Variants in SLC1A7 observed in about 807,000 individuals in gnomAD.
SLC1A7 encodes the protein excitatory amino acid transporter 5.
SLC1A7 carries 40 observed loss-of-function variants against 47.7 expected under a neutral mutation model. That is an observed-to-expected ratio of 0.84 (90% CI 0.65 to 1.09). SLC1A7 has a LOEUF of 1.09. SLC1A7 is among the 50% of genes least tolerant of loss of function. The pLI is 0.00. For synonymous variants in SLC1A7, 323 were observed against 325.6 expected (o/e 0.99, Z 0.09); for missense variants, 746 against 769.5 (o/e 0.97, Z 0.36).
At chr1:53,089,680 A>G in intron 9 of SLC1A7, 120 bp downstream of exon 9, 1 of 1,051,830 alleles carries the variant, frequency 9.5e-7, no homozygotes, top group Non-Finnish European at 1.4e-6. Context: ...CCACAGTGCC[A>G]AGCGGGGCAG....
chr1:53,135,850 C>T (rs1176438233), intron 1 of SLC1A7, among the ~76,000 whole-genome samples: 2 of 152,074 alleles, frequency 1.3e-5, no homozygotes, highest in South Asian at 2.1e-4. Context: ...GACTTTCAAA[C>T]ATCATCCAAG....
At position 53,129,531 on chromosome 1, in the gene SLC1A7, G is replaced by GC. The variant is rs1553164865; in HGVS notation, c.215+4818_215+4819insG. 7.2e-3 allele frequency among the ~76,000 whole-genome samples: 752 copies of GC among 104,498 alleles called. 1 individual carries two copies. Among genetic ancestry groups the GC allele is most frequent in the East Asian group, 0.013 (47 of 3,556 alleles). The allele number at this position is 104,498 out of a possible 152,430, so 68.6% of individuals were successfully genotyped here. A position where few individuals can be genotyped will look rare whatever the true frequency, so the allele number is the denominator to read the frequency against. ...ACTGAAGCACACATGTCTGAGGAGG[G>GC]ACTTGGGCCAGGGGCTGGGTTGGAG... On this transcript the variant is annotated intron_variant, in intron 2 of 10. Coordinates refer to ENST00000371494, the MANE Select transcript of SLC1A7 (RefSeq NM_006671.6).
At chr1:53,111,379 G>A (rs184966384) in intron 3 of SLC1A7, among the ~76,000 whole-genome samples, 10 of 152,276 alleles carry the variant, frequency 6.6e-5, no homozygotes, top group Middle Eastern at 3.4e-3. Context: ...TGTAAGCTGC[G>A]GTGCAGGCTA....
intron 6 of SLC1A7, 34 bp downstream of exon 6, chr1:53,093,427 G>T: frequency 2.0e-6 from 3 of 1,531,942 alleles, no homozygotes; most frequent in Non-Finnish European, 2.7e-6. Flanking sequence ...ACCCAGGGCT[G>T]GCCGGGGTGA....
At chr1:53,113,080 A>G (rs1228010946) in intron 3 of SLC1A7, among the ~76,000 whole-genome samples, 2 of 152,188 alleles carry the variant, frequency 1.3e-5, no homozygotes, top group Non-Finnish European at 2.9e-5. Context: ...TCAGATCCAA[A>G]AGGCTAAGAC....
intron 1 of SLC1A7, among the ~76,000 whole-genome samples, chr1:53,136,909 C>T (rs563280455): frequency 5.9e-5 from 9 of 151,980 alleles, no homozygotes; most frequent in African/African-American, 1.9e-4. Flanking sequence ...TCAAACAGTC[C>T]TCCCAGCTAG....
At chr1:53,115,401 A>G (rs978919802) in intron 2 of SLC1A7, 1 of 199,544 alleles carries the variant, frequency 5.0e-6, no homozygotes, top group Non-Finnish European at 1.0e-5. Context: ...TACCTCTGAG[A>G]TCTACCTGCC....
chr1:53,090,905 G>A (rs1052904852), intron 7 of SLC1A7, 99 bp from the exon 8 acceptor site: 17 of 1,548,586 alleles, frequency 1.1e-5, no homozygotes, highest in Non-Finnish European at 1.4e-5. Flanking sequence ...CACCCCGCCA[G>A]GAGTGTTTGT....
At chr1:53,130,711 C>T (rs1318128840) in intron 2 of SLC1A7, among the ~76,000 whole-genome samples, 1 of 152,152 alleles carries the variant, frequency 6.6e-6, no homozygotes, top group Non-Finnish European at 1.5e-5. Flanking sequence ...TGCTTGGACC[C>T]TTTGGGGTTC....
At chr1:53,109,175 C>T (rs780743544) in intron 3 of SLC1A7, among the ~76,000 whole-genome samples, 2 of 152,074 alleles carry the variant, frequency 1.3e-5, no homozygotes, top group Non-Finnish European at 2.9e-5. Context: ...AAATTCTCAC[C>T]GAGATGCTTC....
chr1:53,099,031 CA>C (rs2150320841), intron 5 of SLC1A7, among the ~76,000 whole-genome samples: 1 of 151,536 alleles, frequency 6.6e-6, no homozygotes, highest in Non-Finnish European at 1.5e-5. Context: ...TCAAAACACT[CA>C]CACCCTGCCT....
Position 53,088,880 on chromosome 1 carries a change from G to C in SLC1A7, c.1461C>G (p.Thr487=), listed in dbSNP as rs139966900. The change falls in exon 10 of 11, where the codon ACC becomes ACG. Residue 487 remains threonine (T), a synonymous_variant. Coordinates refer to ENST00000371494, the MANE Select transcript of SLC1A7 (RefSeq NM_006671.6). The part of the protein sequence containing the change: ...CRKDFARDTG[T]EKLLPCETKP... ...CTCTGGATCTCACTGCTCTCACCTC[G>C]GTGCCTGTGTCCCGGGCAAAATCCT... 6 of 1,612,708 alleles carry C rather than the reference G, an allele frequency of 3.7e-6. No homozygotes were observed. The highest frequency in any genetic ancestry group is 1.3e-5 in the African/African-American group (1 of 75,014).
At chr1:53,093,657 C>A in intron 5 of SLC1A7, 97 bp from the exon 6 acceptor site, 1 of 835,456 alleles carries the variant, frequency 1.2e-6, no homozygotes, top group South Asian at 1.6e-5. Flanking sequence ...CCTTGATGCT[C>A]CAGCACTCCC....
chr1:53,097,602 ACT>A (rs1644512695), intron 5 of SLC1A7, among the ~76,000 whole-genome samples: 1 of 151,012 alleles, frequency 6.6e-6, no homozygotes, highest in Non-Finnish European at 1.5e-5. Context: ...GCCTCGGTAC[ACT>A]CAAACACCTC....
At chr1:53,110,246 G>T (rs1644687662) in intron 3 of SLC1A7, among the ~76,000 whole-genome samples, 1 of 152,198 alleles carries the variant, frequency 6.6e-6, no homozygotes, top group Non-Finnish European at 1.5e-5. Context: ...AGGGGAACTG[G>T]CCTGCCCAGG....
chr1:53,100,607 C>CCTCGGTACACTCACACAACCCGT (rs1431163967), intron 5 of SLC1A7, among the ~76,000 whole-genome samples: 1 of 145,720 alleles, frequency 6.9e-6, no homozygotes, highest in African/African-American at 2.6e-5. Context: ...ACACAACCTG[C>CCTCGGTACACTCACACAACCCGT]CTCGGTACAC....
intron 7 of SLC1A7, 105 bp downstream of exon 7, chr1:53,092,449 C>T: frequency 2.4e-6 from 2 of 816,884 alleles, no homozygotes; most frequent in South Asian, 1.6e-5. Flanking sequence ...GTGGGCCACA[C>T]TGGCGTTTTG....
chr1:53,110,977 G>A (rs536811948), intron 3 of SLC1A7, among the ~76,000 whole-genome samples: 3 of 152,282 alleles, frequency 2.0e-5, no homozygotes, highest in South Asian at 4.1e-4. Context: ...GCACCCACTC[G>A]GTGCCAGGTG....
chr1:53,107,042 G>A (rs904209857), intron 3 of SLC1A7, among the ~76,000 whole-genome samples: 2 of 151,256 alleles, frequency 1.3e-5, no homozygotes, highest in Non-Finnish European at 2.9e-5. Flanking sequence ...TGTAGTCCCA[G>A]CTACTCAGGA....
Sources: allele counts gnomAD v4.1 joint callset (sites outside exome capture counted in the v4.1 genomes callset), GRCh38; gene constraint gnomAD v4.1.1; transcripts MANE v1.5; gene names NCBI Gene and HGNC (gene_info 2026-07-23, HGNC 2026-07-21).